The following ZNF675 variants were observed in gnomAD, a reference collection of about 807,000 sequenced individuals.
ZNF675 encodes the protein TRAF6 inhibitory zinc finger.
Under a neutral mutation model 56.1 loss-of-function variants are expected in ZNF675, and 36 were observed. That is an observed-to-expected ratio of 0.64 (90% CI 0.49 to 0.85). ZNF675 has a LOEUF of 0.85. Among genes scored for constraint, ZNF675 ranks in the 40% least tolerant of loss-of-function variants. The probability of loss-of-function intolerance (pLI) is 0.00; values close to 1 mark genes in which losing one functional copy is unlikely to be tolerated. For missense variants in ZNF675, 663 were observed against 654.2 expected, an observed-to-expected ratio of 1.01 and a Z score of -0.15; for synonymous variants, 200 against 218.9, an observed-to-expected ratio of 0.91 and a Z score of 0.76.
At chr19:23,669,626 C>T (rs774037295) in intron 1 of ZNF675, among the ~76,000 whole-genome samples, 8 of 152,080 alleles carry the variant, frequency 5.3e-5, no homozygotes, top group Admixed American at 1.3e-4. Context: ...GTAATCCCAG[C>T]ACTTTGAGAT....
chr19:23,673,938 C>T (rs1323723458), intron 1 of ZNF675, among the ~76,000 whole-genome samples: 1 of 151,834 alleles, frequency 6.6e-6, no homozygotes, highest in Admixed American at 6.6e-5. Flanking sequence ...AACAGTGGCT[C>T]ACGCCTGTAA....
chr19:23,662,846 T>C (rs915474707), intron 2 of ZNF675, among the ~76,000 whole-genome samples, 186 bp downstream of exon 2: 14 of 152,078 alleles, frequency 9.2e-5, no homozygotes, highest in African/African-American at 2.9e-4. Context: ...TAGCTAGGCA[T>C]GGTGGCTCAC....
chr19:23,686,193 C>T (rs915683834), intron 1 of ZNF675: 1 of 152,194 alleles, frequency 6.6e-6, no homozygotes, highest in African/African-American at 2.4e-5. Flanking sequence ...AAAAGTCTTT[C>T]CTTCAAGCTG....
intron 3 of ZNF675, among the ~76,000 whole-genome samples, chr19:23,661,350 A>G (rs1003957431): frequency 6.6e-6 from 1 of 151,310 alleles, no homozygotes; most frequent in South Asian, 2.1e-4. Context: ...TCAAGACTAC[A>G]TTAGAAGACT....
At chr19:23,686,279 C>T (rs1031563774) in intron 1 of ZNF675, 33 of 152,104 alleles carry the variant, frequency 2.2e-4, no homozygotes, top group African/African-American at 8.0e-4. Context: ...TTAAATTCTC[C>T]AATATTTTTG....
rs1299588638 is a variant in ZNF675, at chr19:23,652,903, T to C, written c.*323A>G. On this transcript the variant is annotated 3_prime_UTR_variant, in exon 4 of 4. Coordinates refer to ENST00000359788, the MANE Select transcript of ZNF675 (RefSeq NM_138330.3). ...ATATTTTCTTAAAGTCTTTAGACAG[T>C]AATTGCATTTATAATGCTTTTATTA... 2.6e-5 allele frequency: 5 copies of C among 195,380 alleles called. No individual in the cohort carries two copies. The highest frequency in any genetic ancestry group is 5.2e-5 in the Non-Finnish European group (5 of 95,326). 12.1% of individuals were successfully genotyped at this position (195,380 alleles called of 1,614,324 possible).
At position 23,678,502 on chromosome 19, in the gene ZNF675, C is replaced by T. The variant is rs558822748; in HGVS notation, c.3+8529G>A. The stretch of plus-strand genomic sequence containing the variant: ...CTGACCTCGAGTGCTCCACCCACCT[C>T]GGCCTCCCAAAGTGCTGGGATTACA... On this transcript the variant is annotated intron_variant, in intron 1 of 3. Coordinates refer to ENST00000359788, the MANE Select transcript of ZNF675 (RefSeq NM_138330.3). Among the ~76,000 whole-genome samples the T allele has an allele frequency of 9.5e-5, 14 of 147,772 alleles. No homozygotes were observed. In the South Asian group the frequency reaches 2.7e-3, roughly 29 times the overall value.
chr19:23,687,153 T>C lies in ZNF675; in HGVS notation c.-120A>G, dbSNP rs185107995. On this transcript the variant is annotated 5_prime_UTR_variant, in exon 1 of 4. Coordinates refer to ENST00000359788, the MANE Select transcript of ZNF675 (RefSeq NM_138330.3). ...GACACAGAGCAATGAAAGCGAGACCTGGAGCTCCGGCTGCAGCGAGAGACA... is the reference window on the plus strand; with the variant it reads ...GACACAGAGCAATGAAAGCGAGACCCGGAGCTCCGGCTGCAGCGAGAGACA... 16 of 1,240,600 alleles carry C rather than the reference T, an allele frequency of 1.3e-5. No homozygotes were observed. In the African/African-American group the frequency reaches 1.4e-4, roughly 11 times the overall value. The allele number at this position is 1,240,600 out of a possible 1,614,324, so 76.8% of individuals were successfully genotyped here. A position where few individuals can be genotyped will look rare whatever the true frequency, so the allele number is the denominator to read the frequency against.
rs114934456 is a variant in ZNF675 at position 23,668,136 on chromosome 19, G to A, written c.4-4978C>T. ...AACTGGTGCACTCACAAACCCTGAG[G>A]AGCTAGACACAGGGTGCTGATTGGT... On this transcript the variant is annotated intron_variant, in intron 1 of 3. Coordinates refer to ENST00000359788, the MANE Select transcript of ZNF675 (RefSeq NM_138330.3). Among the ~76,000 whole-genome samples, 841 of 149,942 alleles carry A rather than the reference G, an allele frequency of 5.6e-3. 3 individuals carry two copies. The highest frequency in any genetic ancestry group is 0.019 in the African/African-American group (768 of 40,684).
chr19:23,684,059 A>G (rs1968411460), intron 1 of ZNF675, among the ~76,000 whole-genome samples: 3 of 151,506 alleles, frequency 2.0e-5, no homozygotes, highest in Non-Finnish European at 2.9e-5. Context: ...CAGGAGATCA[A>G]GACCATCCTG....
intron 3 of ZNF675, among the ~76,000 whole-genome samples, chr19:23,657,906 C>T (rs1290292054): frequency 1.3e-5 from 2 of 151,806 alleles, no homozygotes; most frequent in African/African-American, 2.4e-5. Context: ...AATTAAATCC[C>T]ACAAAGTGTA....
chr19:23,675,696 G>A lies in ZNF675; in HGVS notation c.3+11335C>T, dbSNP rs549523861. ...ACCAGAATCACTGCAACAAAACTAA[G>A]GCAGTATTAAGAGGGAAATTTATAG... On this transcript the variant is annotated intron_variant, in intron 1 of 3. Transcript: ENST00000359788. Among the ~76,000 whole-genome samples, 5 of 151,568 alleles carry A rather than the reference G, an allele frequency of 3.3e-5. 1 individual carries two copies. The highest frequency in any genetic ancestry group is 1.2e-4 in the African/African-American group (5 of 41,042).
chr19:23,659,757 C>A (rs1968051009), intron 3 of ZNF675, among the ~76,000 whole-genome samples: 1 of 152,158 alleles, frequency 6.6e-6, no homozygotes. Flanking sequence ...ATCCCAAACT[C>A]CTCACAGCCA....
chr19:23,653,735 C>T lies in ZNF675; in HGVS notation c.1198G>A (p.Glu400Lys). The T allele has an allele frequency of 6.2e-7, 1 of 1,613,774 alleles. No individual in the cohort carries two copies. The highest frequency in any genetic ancestry group is 8.5e-7 in the Non-Finnish European group (1 of 1,179,974). The stretch of plus-strand genomic sequence containing the variant: ...GAGTGTTTAAAAGCTTTGCCACATT[C>T]TTTACATTTGTAGGGTTTCTCTTCG... ...HTEEKPYKCK[E>K]CGKAFKHSSA... is the part of the protein sequence containing the mutation. The change falls in exon 4 of 4, where the codon GAA becomes AAA. Residue 400 changes from glutamate (E) to lysine (K), a missense_variant. Coordinates refer to ENST00000359788, the MANE Select transcript of ZNF675 (RefSeq NM_138330.3).
chr19:23,686,704 C>T (rs1968446779), intron 1 of ZNF675, among the ~76,000 whole-genome samples: 1 of 152,172 alleles, frequency 6.6e-6, no homozygotes. Flanking sequence ...TGAACCCGCA[C>T]CCTGAGTCAG....
intron 1 of ZNF675, among the ~76,000 whole-genome samples, chr19:23,677,946 C>T (rs1039676963): frequency 1.3e-5 from 2 of 151,404 alleles, no homozygotes; most frequent in Non-Finnish European, 2.9e-5. Context: ...ATAGAGAAAC[C>T]CCATCTCTGC....
At chr19:23,656,605 A>ATCTCAAAAAAAC (rs1967985656) in intron 3 of ZNF675, 1 of 122,680 alleles carries the variant, frequency 8.2e-6, no homozygotes, top group African/African-American at 3.2e-5. Flanking sequence ...TCAAAAAAAC[A>ATCTCAAAAAAAC]AAAAAGGTAT....
chr19:23,661,831 TAA>T, intron 3 of ZNF675: 1 of 234,718 alleles, frequency 4.3e-6, no homozygotes, highest in Non-Finnish European at 8.2e-6. Flanking sequence ...AAAAAATGAG[TAA>T]GGATTCAGAT....
chr19:23,686,689 A>G (rs977057294), intron 1 of ZNF675, among the ~76,000 whole-genome samples: 3 of 152,174 alleles, frequency 2.0e-5, no homozygotes, highest in Non-Finnish European at 4.4e-5. Flanking sequence ...AACTCTTCCC[A>G]TTAATGAACC....
Sources: allele counts gnomAD v4.1 joint callset (sites outside exome capture counted in the v4.1 genomes callset), GRCh38; gene constraint gnomAD v4.1.1; transcripts MANE v1.5; gene names NCBI Gene and HGNC (gene_info 2026-07-23, HGNC 2026-07-21).